Variants in FER observed in about 807,000 individuals in gnomAD.
The protein encoded by FER is tyrosine-protein kinase Fer.
A neutral mutation model predicts 111.0 loss-of-function variants in FER; 63 were observed. The observed-to-expected ratio is 0.57, with a 90% CI of 0.46 to 0.70. The LOEUF (loss-of-function observed/expected upper bound fraction) is 0.70, where lower values mean the gene tolerates loss of function less well. Ranked by LOEUF, FER falls within the 30% of genes least tolerant of loss-of-function variation. FER has a pLI of 0.00. For synonymous variants in FER, 327 were observed against 313.9 expected (o/e 1.04, Z -0.44); for missense variants, 914 against 954.0 (o/e 0.96, Z 0.55).
At chr5:108,925,677 C>G (rs775958304) in intron 10 of FER, among the ~76,000 whole-genome samples, 2 of 151,838 alleles carry the variant, frequency 1.3e-5, no homozygotes, top group Non-Finnish European at 2.9e-5. Context: ...TATGTATTTT[C>G]TTTATTTTGA....
At chr5:108,997,826 G>A (rs1017711921) in intron 13 of FER, among the ~76,000 whole-genome samples, 1 of 152,096 alleles carries the variant, frequency 6.6e-6, no homozygotes, top group African/African-American at 2.4e-5. Flanking sequence ...GAGATGCCCT[G>A]CCCAGAGAGG....
At chr5:109,112,226 AATT>A (rs1435767230) in intron 17 of FER, among the ~76,000 whole-genome samples, 1 of 152,120 alleles carries the variant, frequency 6.6e-6, no homozygotes, top group Non-Finnish European at 1.5e-5. Context: ...AGTAGTATTA[AATT>A]ATTATCCAGT....
At chr5:108,753,967 A>C (rs1750786163) in intron 1 of FER, among the ~76,000 whole-genome samples, 1 of 152,144 alleles carries the variant, frequency 6.6e-6, no homozygotes, top group South Asian at 2.1e-4. Context: ...TACATGTATG[A>C]CATATTCCAC....
rs5870338 is a variant in FER at position 108,844,142 on chromosome 5, ATG to A, written c.481+8344_481+8345del. 2.2e-3 allele frequency among the ~76,000 whole-genome samples: 199 copies of A among 91,118 alleles called. 3 individuals are homozygous for A. The highest frequency in any genetic ancestry group is 5.7e-3 in the Middle Eastern group (1 of 174). The allele number at this position is 91,118 out of a possible 152,430, so 59.8% of individuals were successfully genotyped here. A position where few individuals can be genotyped will look rare whatever the true frequency, so the allele number is the denominator to read the frequency against. On this transcript the variant is annotated intron_variant, in intron 5 of 19. Transcript: ENST00000281092. ...AACACATATATGTGTGTGAACATAT[ATG>A]TGTGTGTGAACATATATATGTGTGA...
In FER at chr5:108,796,782, C is replaced by T. The variant is rs532736342; in HGVS notation, c.-59-1342C>T. Among the ~76,000 whole-genome samples the T allele has an allele frequency of 2.0e-5, 3 of 152,254 alleles. No homozygotes were observed. The South Asian group carries it at 6.2e-4, about 32-fold the overall frequency. On this transcript the variant is annotated intron_variant, in intron 2 of 19. Coordinates refer to ENST00000281092, the MANE Select transcript of FER (RefSeq NM_005246.4). ...ACCCTGCAGGGCAGTGGGCTCCTCT[C>T]TGGCCAGAGCAGGTCTAGAAGTGCC...
At chr5:108,878,870 A>G (rs1042665150) in intron 8 of FER, among the ~76,000 whole-genome samples, 1 of 152,106 alleles carries the variant, frequency 6.6e-6, no homozygotes, top group Non-Finnish European at 1.5e-5. Flanking sequence ...AAATTCTAGG[A>G]TGTGTAATTA....
At chr5:109,181,622 TA>T (rs1348595456) in intron 18 of FER, among the ~76,000 whole-genome samples, 1 of 152,178 alleles carries the variant, frequency 6.6e-6, no homozygotes, top group Admixed American at 6.5e-5. Flanking sequence ...ATGTTTTGAA[TA>T]AAAATGTAAA....
At chr5:108,816,574 A>G (rs1399702864) in intron 3 of FER, among the ~76,000 whole-genome samples, 1 of 152,174 alleles carries the variant, frequency 6.6e-6, no homozygotes, top group Non-Finnish European at 1.5e-5. Context: ...TGTGTCCCTG[A>G]TTAGTTTCTT....
intron 5 of FER, among the ~76,000 whole-genome samples, chr5:108,858,360 T>G (rs1262632350): frequency 2.0e-5 from 3 of 152,208 alleles, no homozygotes; most frequent in African/African-American, 7.2e-5. Flanking sequence ...ACTTAAAGAC[T>G]ACAGTTTGGT....
chr5:109,165,008 T>G (rs1756386281), intron 17 of FER, among the ~76,000 whole-genome samples: 1 of 152,174 alleles, frequency 6.6e-6, no homozygotes, highest in Non-Finnish European at 1.5e-5. Flanking sequence ...GAATAGATCC[T>G]TGAGTAATTC....
At chr5:108,864,573 T>A (rs1763846050) in intron 5 of FER, among the ~76,000 whole-genome samples, 1 of 152,178 alleles carries the variant, frequency 6.6e-6, no homozygotes, top group African/African-American at 2.4e-5. Context: ...GCTTTCTACA[T>A]ATGGCTAGCC....
chr5:109,017,610 G>A (rs1302232067), intron 13 of FER, among the ~76,000 whole-genome samples: 1 of 151,844 alleles, frequency 6.6e-6, no homozygotes, highest in East Asian at 1.9e-4. Flanking sequence ...AGTTCTTTTA[G>A]CTTGGGTCCA....
At position 108,970,118 on chromosome 5, in the gene FER, T is replaced by C. The variant is rs77112684; in HGVS notation, c.1656+10771T>C. ...ACACACAAACTTGAGAGTATTGATA[T>C]TTATGTGTGTGCGTAACTAAAACAA... On this transcript the variant is annotated intron_variant, in intron 13 of 19. Transcript: ENST00000281092. Among the ~76,000 whole-genome samples the C allele has an allele frequency of 4.6e-3, 679 of 148,564 alleles. 129 individuals are homozygous for C. The highest frequency in any genetic ancestry group is 0.017 in the African/African-American group (648 of 37,952).
At chr5:109,170,324 C>T (rs902591578) in intron 17 of FER, among the ~76,000 whole-genome samples, 2 of 152,046 alleles carry the variant, frequency 1.3e-5, no homozygotes, top group Admixed American at 6.6e-5. Flanking sequence ...TTCCCAGGAA[C>T]AAAATGGCAG....
chr5:108,897,901 T>A, intron 10 of FER, 53 bp downstream of exon 10: 1 of 1,412,500 alleles, frequency 7.1e-7, no homozygotes, highest in South Asian at 1.4e-5. Flanking sequence ...GTCTAGGTAA[T>A]AAGTGCATAC....
intron 17 of FER, among the ~76,000 whole-genome samples, chr5:109,142,579 G>A (rs569401524): frequency 3.3e-5 from 5 of 152,230 alleles, no homozygotes; most frequent in African/African-American, 7.2e-5. Context: ...ACCACTGTAC[G>A]ACAGACTCTG....
rs146530492 is a variant in FER at position 108,837,581 on chromosome 5, C to T, written c.481+1774C>T. 8.4e-4 allele frequency among the ~76,000 whole-genome samples: 128 copies of T among 152,168 alleles called. 2 individuals are homozygous for T. In the East Asian group the frequency reaches 0.02, roughly 24 times the overall value. On this transcript the variant is annotated intron_variant, in intron 5 of 19. Coordinates refer to ENST00000281092, the MANE Select transcript of FER (RefSeq NM_005246.4). ...TGTAATCCAGCTATGTTGTGTATTT[C>T]GCACTAGGTTTGTATATGTTGGAGA... is the stretch of plus-strand genomic sequence containing the variant.
At chr5:108,996,171 A>T (rs1310271770) in intron 13 of FER, among the ~76,000 whole-genome samples, 1 of 152,190 alleles carries the variant, frequency 6.6e-6, no homozygotes, top group African/African-American at 2.4e-5. Flanking sequence ...GCCCTTTGTC[A>T]GATGGAGAGA....
chr5:109,181,301 C>G (rs1294565488), intron 18 of FER, among the ~76,000 whole-genome samples: 2 of 152,166 alleles, frequency 1.3e-5, no homozygotes, highest in Non-Finnish European at 2.9e-5. Context: ...TCTTTAGTTT[C>G]TCACTCTGAA....
Sources: allele counts gnomAD v4.1 joint callset (sites outside exome capture counted in the v4.1 genomes callset), GRCh38; gene constraint gnomAD v4.1.1; transcripts MANE v1.5; gene names NCBI Gene and HGNC (gene_info 2026-07-23, HGNC 2026-07-21).